PRKG1: variants seen among roughly 807,000 people sequenced by gnomAD.
PRKG1 encodes protein kinase cGMP-dependent 1, also known as cGMP-dependent protein kinase 1.
PRKG1 carries 35 observed loss-of-function variants against 88.1 expected under a neutral mutation model. The ratio of observed to expected loss-of-function variants is 0.40; its 90% CI spans 0.30 to 0.53. PRKG1 has a LOEUF of 0.53. PRKG1 is among the 20% of genes least tolerant of loss of function. PRKG1 has a pLI of 0.59. For synonymous variants in PRKG1, 303 were observed against 292.5 expected (o/e 1.04, Z -0.37); for missense variants, 540 against 839.8 (o/e 0.64, Z 4.41).
intron 1 of PRKG1, among the ~76,000 whole-genome samples, chr10:51,084,259 GAAAAACATGACC>G (rs1288676066): frequency 6.6e-6 from 1 of 152,134 alleles, no homozygotes; most frequent in African/African-American, 2.4e-5. Flanking sequence ...TAGAAACAAT[GAAAAACATGACC>G]AAAAACATGT....
intron 9 of PRKG1, among the ~76,000 whole-genome samples, chr10:52,245,749 T>TTTTATTTATTTATTTA (rs10552419): frequency 7.2e-6 from 1 of 138,056 alleles, no homozygotes; most frequent in African/African-American, 2.7e-5. Context: ...GTTAACACCA[T>TTTTATTTATTTATTTA]TTTATTTATT....
At chr10:51,126,375 A>G (rs1051889571) in intron 1 of PRKG1, among the ~76,000 whole-genome samples, 10 of 129,198 alleles carry the variant, frequency 7.7e-5, no homozygotes, top group Admixed American at 5.7e-4. Flanking sequence ...TATATTTTAT[A>G]GTATTTATAT....
intron 2 of PRKG1, among the ~76,000 whole-genome samples, chr10:51,348,114 G>A (rs1010896898): frequency 6.6e-6 from 1 of 151,908 alleles, no homozygotes; most frequent in Admixed American, 6.6e-5. Flanking sequence ...GAGAAAACAC[G>A]TAACTTAAGA....
chr10:51,166,556 A>G (rs1846547612), intron 2 of PRKG1, among the ~76,000 whole-genome samples: 1 of 152,246 alleles, frequency 6.6e-6, no homozygotes, highest in Non-Finnish European at 1.5e-5. Context: ...ATCATTTTGC[A>G]TACTATCCTC....
chr10:51,739,357 C>G (rs1356423743), intron 3 of PRKG1, among the ~76,000 whole-genome samples: 6 of 152,136 alleles, frequency 3.9e-5, no homozygotes, highest in Non-Finnish European at 5.9e-5. Context: ...ACAGTATTTA[C>G]TGTTTGTCAT....
At chr10:51,289,006 T>G (rs1156649813) in intron 2 of PRKG1, among the ~76,000 whole-genome samples, 1 of 152,134 alleles carries the variant, frequency 6.6e-6, no homozygotes, top group African/African-American at 2.4e-5. Flanking sequence ...ATTAGACTCT[T>G]ATTATCTAGA....
At chr10:51,682,526 C>T (rs1840876670) in intron 3 of PRKG1, among the ~76,000 whole-genome samples, 1 of 152,178 alleles carries the variant, frequency 6.6e-6, no homozygotes. Flanking sequence ...GCTCATGTTT[C>T]ATGTGGCTCC....
chr10:51,763,169 C>A (rs1838065694), intron 3 of PRKG1, among the ~76,000 whole-genome samples: 1 of 152,016 alleles, frequency 6.6e-6, no homozygotes, highest in African/African-American at 2.4e-5. Flanking sequence ...TCAATAGAAT[C>A]TTCTATATTG....
chr10:52,148,957 CTTTTT>C (rs71904885), intron 8 of PRKG1, among the ~76,000 whole-genome samples: 2 of 55,158 alleles, frequency 3.6e-5, no homozygotes, highest in Non-Finnish European at 6.5e-5. Context: ...GATAGTTTTG[CTTTTT>C]TTTTTTTTTT....
intron 3 of PRKG1, among the ~76,000 whole-genome samples, chr10:51,520,256 C>T (rs547417191): frequency 1.9e-4 from 26 of 140,048 alleles, no homozygotes; most frequent in Admixed American, 3.8e-4. Flanking sequence ...TATGGATATA[C>T]ATATAGAGTT....
At chr10:51,218,490 CAT>C (rs869105973) in intron 2 of PRKG1, among the ~76,000 whole-genome samples, 3,138 of 40,664 alleles carry the variant, frequency 0.077, 48 homozygotes, top group South Asian at 0.11. Context: ...CATCTATCTT[CAT>C]ATATATATAT....
intron 2 of PRKG1, among the ~76,000 whole-genome samples, chr10:51,308,492 T>C (rs144539364): frequency 3.3e-5 from 5 of 152,310 alleles, no homozygotes; most frequent in Admixed American, 3.3e-4. Flanking sequence ...GCTGATGTTA[T>C]TGTTAATATC....
At chr10:51,454,763 A>C in intron 2 of PRKG1, among the ~76,000 whole-genome samples, 1 of 152,142 alleles carries the variant, frequency 6.6e-6, no homozygotes, top group Non-Finnish European at 1.5e-5. Context: ...TATGGGGAAA[A>C]TCACCACCAT....
intron 2 of PRKG1, among the ~76,000 whole-genome samples, chr10:51,429,151 A>G (rs1352336405): frequency 1.3e-5 from 2 of 152,242 alleles, no homozygotes; most frequent in Admixed American, 1.3e-4. Context: ...TATTGGCTCA[A>G]CATGTTTGAG....
At chr10:51,810,285 A>G (rs906253743) in intron 4 of PRKG1, among the ~76,000 whole-genome samples, 3 of 152,298 alleles carry the variant, frequency 2.0e-5, no homozygotes, top group Non-Finnish European at 2.9e-5. Flanking sequence ...ATGTTGTTCA[A>G]TTTTAAAAGT....
At chr10:52,042,293 G>A (rs1845770845) in intron 5 of PRKG1, among the ~76,000 whole-genome samples, 1 of 152,080 alleles carries the variant, frequency 6.6e-6, no homozygotes, top group African/African-American at 2.4e-5. Flanking sequence ...AAAGAACAAA[G>A]CTGGAAGCAT....
At chr10:51,137,931 A>T (rs1489192173) in intron 1 of PRKG1, among the ~76,000 whole-genome samples, 1 of 152,246 alleles carries the variant, frequency 6.6e-6, no homozygotes. Context: ...GGGAAGAAAC[A>T]CATGAATTTT....
chr10:52,137,672 T>C (rs944612092), intron 8 of PRKG1, among the ~76,000 whole-genome samples: 3 of 152,102 alleles, frequency 2.0e-5, no homozygotes, highest in Admixed American at 6.6e-5. Flanking sequence ...CTAAATGCTA[T>C]GTAAAAACTT....
In PRKG1 at chr10:51,364,376, G is replaced by A. The variant is rs925531693; in HGVS notation, c.479-103347G>A. 3.9e-5 allele frequency among the ~76,000 whole-genome samples: 6 copies of A among 152,020 alleles called. No homozygotes were observed. The South Asian group carries it at 1.2e-3, about 32-fold the overall frequency. ...TGGTTTGGGCACACAATATCCTTCA[G>A]AGATATGACATCACAAAAGGCTATT... On this transcript the variant is annotated intron_variant, in intron 2 of 17. Coordinates refer to ENST00000373980, the MANE Select transcript of PRKG1 (RefSeq NM_006258.4).
Sources: allele counts gnomAD v4.1 joint callset (sites outside exome capture counted in the v4.1 genomes callset), GRCh38; gene constraint gnomAD v4.1.1; transcripts MANE v1.5; gene names NCBI Gene and HGNC (gene_info 2026-07-23, HGNC 2026-07-21).